The following RAD52 variants were observed in gnomAD, a reference collection of about 807,000 sequenced individuals.
RAD52 encodes the protein DNA repair protein RAD52 homolog.
A neutral mutation model predicts 55.5 loss-of-function variants in RAD52; 47 were observed. The ratio of observed to expected loss-of-function variants is 0.85; its 90% CI spans 0.67 to 1.08. The LOEUF (loss-of-function observed/expected upper bound fraction) is 1.08, where lower values mean the gene tolerates loss of function less well. RAD52 is among the 50% of genes least tolerant of loss of function. The pLI, the probability that RAD52 is intolerant of heterozygous loss-of-function variation, is 0.00. For synonymous variants in RAD52, 184 were observed against 198.9 expected (o/e 0.92, Z 0.63); for missense variants, 468 against 522.8 (o/e 0.90, Z 1.02).
Position 916,810 on chromosome 12 carries a change from T to C in RAD52, c.554A>G (p.Glu185Gly), listed in dbSNP as rs757181728. 6.3e-7 allele frequency: 1 copy of C among 1,599,512 alleles called. No individual in the cohort carries two copies. Among genetic ancestry groups the C allele is most frequent in the South Asian group, 1.1e-5 (1 of 90,838 alleles). Residue 185 changes from glutamate (E) to glycine (G), a missense_variant, in exon 8 of 12, where the codon GAA (glutamate) becomes GGA (glycine). Coordinates refer to ENST00000358495, the MANE Select transcript of RAD52 (RefSeq NM_134424.4). ...LNKLPRQLPLEVDLTKAKRQD... is the reference protein window; with the variant it reads ...LNKLPRQLPLGVDLTKAKRQD... ...TCTCTTCGCTTTAGTTAAATCCACTTCAAGAGGCAACTAGAAGGAAAGAAG... is the reference window on the plus strand; with the variant it reads ...TCTCTTCGCTTTAGTTAAATCCACTCCAAGAGGCAACTAGAAGGAAAGAAG...
At chr12:916,287 C>T (rs2154108463) in intron 9 of RAD52, 57 bp downstream of exon 9, 4 of 1,587,632 alleles carry the variant, frequency 2.5e-6, no homozygotes, top group Non-Finnish European at 3.4e-6. Context: ...GAAGACCCTG[C>T]GGCTACACTT....
intron 1 of RAD52, among the ~76,000 whole-genome samples, chr12:963,598 T>C (rs1252480764): frequency 6.6e-6 from 1 of 152,180 alleles, no homozygotes; most frequent in East Asian, 1.9e-4. Context: ...TTATGAATAC[T>C]TTACATGTCT....
upstream of RAD52, among the ~76,000 whole-genome samples, chr12:949,924 C>G (rs1192716394): frequency 6.6e-6 from 1 of 152,190 alleles, no homozygotes; most frequent in Admixed American, 6.5e-5. Context: ...CCTCCTACTT[C>G]CCGCCAGCTT....
In RAD52 at chr12:912,510, A is replaced by C. The variant is rs1832619932; in HGVS notation, c.*881T>G. On this transcript the variant is annotated 3_prime_UTR_variant, in exon 12 of 12. Transcript: ENST00000358495. ...ACAATTCTGGTTTCAAGCATTTCAG[A>C]TAAGCAATATATATATATTCTATTT... 6.0e-6 allele frequency: 1 copy of C among 166,568 alleles called. No individual in the cohort carries two copies. Among genetic ancestry groups the C allele is most frequent in the Admixed American group, 7.8e-5 (1 of 12,820 alleles). The allele number at this position is 166,568 out of a possible 1,614,324, so 10.3% of individuals were successfully genotyped here.
chr12:915,603 G>C (rs1275667863), intron 9 of RAD52, among the ~76,000 whole-genome samples: 1 of 152,160 alleles, frequency 6.6e-6, no homozygotes, highest in African/African-American at 2.4e-5. Context: ...CACTCAATCT[G>C]GACTCTGAAA....
chr12:929,725 TG>T, intron 5 of RAD52, 93 bp downstream of exon 5: 1 of 1,205,908 alleles, frequency 8.3e-7, no homozygotes, highest in Non-Finnish European at 1.2e-6. Context: ...CTCTGGAGCC[TG>T]GGTCCCCGTC....
In RAD52 at chr12:912,025, C is replaced by CA. The variant is rs202071770; in HGVS notation, c.*1365dup. 6.9e-3 allele frequency: 1,283 copies of CA among 184,942 alleles called. 12 individuals carry two copies. The highest frequency in any genetic ancestry group is 0.028 in the African/African-American group (1,136 of 39,964). 11.5% of individuals were successfully genotyped at this position (184,942 alleles called of 1,614,324 possible). ...CGCTACAGAGCCAGACCCCCCCTCT[C>CA]AAAAAAAAAGTTGTTAAACTGCAAA... On this transcript the variant is annotated 3_prime_UTR_variant, in exon 12 of 12. Coordinates refer to ENST00000358495, the MANE Select transcript of RAD52 (RefSeq NM_134424.4).
chr12:941,739 C>G (rs1315281086), intron 1 of RAD52, among the ~76,000 whole-genome samples: 1 of 152,016 alleles, frequency 6.6e-6, no homozygotes, highest in Admixed American at 6.6e-5. Context: ...CAAGTTCAAG[C>G]AGTTCTCCTG....
intron 2 of RAD52, among the ~76,000 whole-genome samples, chr12:932,666 T>A (rs1321983004): frequency 6.6e-6 from 1 of 151,858 alleles, no homozygotes; most frequent in Non-Finnish European, 1.5e-5. Flanking sequence ...TTTTGATAGC[T>A]AACATTCCAA....
intron 1 of RAD52, among the ~76,000 whole-genome samples, chr12:969,751 C>T (rs1371844996): frequency 6.6e-6 from 1 of 151,370 alleles, no homozygotes; most frequent in Non-Finnish European, 1.5e-5. Context: ...GATCACACCA[C>T]TGCACTCCAG....
chr12:934,193 G>A (rs1312562343), intron 1 of RAD52, among the ~76,000 whole-genome samples: 1 of 151,658 alleles, frequency 6.6e-6, no homozygotes. Context: ...TCAGCCAGAC[G>A]CAGTCACTGA....
chr12:982,990 C>T (rs1303799668), intron 1 of RAD52, among the ~76,000 whole-genome samples: 1 of 152,130 alleles, frequency 6.6e-6, no homozygotes, highest in Non-Finnish European at 1.5e-5. Context: ...GTTGGGGTTA[C>T]AGGCGTGTGC....
chr12:917,252 A>G (rs776924401), intron 7 of RAD52, among the ~76,000 whole-genome samples: 8 of 152,212 alleles, frequency 5.3e-5, no homozygotes, highest in Non-Finnish European at 8.8e-5. Flanking sequence ...AGAACCCTTC[A>G]AACGACAGAG....
chr12:955,333 T>C (rs927665939), intron 1 of RAD52, among the ~76,000 whole-genome samples: 9 of 152,168 alleles, frequency 5.9e-5, no homozygotes, highest in African/African-American at 2.2e-4. Flanking sequence ...AACCACAGGA[T>C]ATAGGAAGGT....
intron 1 of RAD52, among the ~76,000 whole-genome samples, chr12:973,410 G>C (rs942779848): frequency 5.9e-5 from 9 of 151,940 alleles, no homozygotes; most frequent in African/African-American, 2.2e-4. Context: ...TGGTGGATTG[G>C]GTCAGTGTAG....
intron 1 of RAD52, among the ~76,000 whole-genome samples, chr12:960,425 A>G (rs1275459256): frequency 6.6e-6 from 1 of 152,188 alleles, no homozygotes; most frequent in Non-Finnish European, 1.5e-5. Flanking sequence ...TATTTACTGA[A>G]GTAGGAAAGA....
intron 10 of RAD52, 51 bp from the exon 11 acceptor site, chr12:914,172 A>AT: frequency 6.5e-7 from 1 of 1,529,802 alleles, no homozygotes; most frequent in Non-Finnish European, 9.0e-7. Flanking sequence ...AAGTATTCTC[A>AT]CAGAAAGCAC....
intron 1 of RAD52, among the ~76,000 whole-genome samples, chr12:970,470 T>TA (rs746550089): frequency 6.6e-6 from 1 of 152,004 alleles, no homozygotes. Flanking sequence ...TAGTTTAAAA[T>TA]AAAAAACAAA....
intron 1 of RAD52, among the ~76,000 whole-genome samples, chr12:977,825 G>A (rs575534944): frequency 6.6e-6 from 1 of 152,300 alleles, no homozygotes; most frequent in East Asian, 1.9e-4. Flanking sequence ...TTTATACACT[G>A]ACTTTTATCA....
Sources: allele counts gnomAD v4.1 joint callset (sites outside exome capture counted in the v4.1 genomes callset), GRCh38; gene constraint gnomAD v4.1.1; transcripts MANE v1.5; gene names NCBI Gene and HGNC (gene_info 2026-07-23, HGNC 2026-07-21).